Variants in ARID1B observed in about 807,000 individuals in gnomAD.
The protein encoded by ARID1B is AT-rich interactive domain-containing protein 1B.
A neutral mutation model predicts 212.3 loss-of-function variants in ARID1B; 30 were observed. That is an observed-to-expected ratio of 0.14 (90% CI 0.11 to 0.19). ARID1B has a LOEUF of 0.19. ARID1B is among the 10% of genes least tolerant of loss of function. The pLI is 1.00. For missense variants in ARID1B, 2,891 were observed against 3,204.0 expected, an observed-to-expected ratio of 0.90 and a Z score of 2.36; for synonymous variants, 1,402 against 1,301.7, an observed-to-expected ratio of 1.08 and a Z score of -1.66.
rs377580544 is a variant in ARID1B, at chr6:156,789,558, TG to T, written c.1791+10088del. Reference sequence around the variant, plus strand: ...AAGGATTTTGTGAAAGAAGTTTTGATGTTAGAGGGTCACTTTATATAGATTA... The same window carrying T: ...AAGGATTTTGTGAAAGAAGTTTTGATTTAGAGGGTCACTTTATATAGATTA... On this transcript the variant is annotated intron_variant, in intron 1 of 19. Transcript: ENST00000636930. Among the ~76,000 whole-genome samples the T allele has an allele frequency of 4.9e-3, 739 of 152,328 alleles. 1 individual carries two copies. Among genetic ancestry groups the T allele is most frequent in the Middle Eastern group, 0.02 (6 of 294 alleles).
At chr6:157,108,356 G>A (rs993529507) in intron 5 of ARID1B, among the ~76,000 whole-genome samples, 5 of 152,120 alleles carry the variant, frequency 3.3e-5, no homozygotes, top group African/African-American at 1.2e-4. Context: ...TGCCTCGGGC[G>A]TGCACTGTCT....
In ARID1B at chr6:157,110,832, A is replaced by G. The variant is rs1206040551; in HGVS notation, c.2581+271A>G. ...CACCATGAAGCATGGTTCACATATG[A>G]CTGTAGTCTGGTATTTGGTCTAGCT... On this transcript the variant is annotated intron_variant, in intron 6 of 19. Coordinates refer to ENST00000636930, the MANE Select transcript of ARID1B (RefSeq NM_001374828.1). The G allele has an allele frequency of 4.0e-5, 20 of 504,398 alleles. 1 individual carries two copies. The South Asian group carries it at 4.6e-4, about 12-fold the overall frequency. The allele number at this position is 504,398 out of a possible 1,614,324, so 31.2% of individuals were successfully genotyped here. A position where few individuals can be genotyped will look rare whatever the true frequency, so the allele number is the denominator to read the frequency against.
intron 5 of ARID1B, among the ~76,000 whole-genome samples, chr6:157,093,692 C>G (rs1052102016): frequency 6.6e-6 from 1 of 152,172 alleles, no homozygotes; most frequent in Non-Finnish European, 1.5e-5. Context: ...ATACATAAAG[C>G]TGAATGCCAA....
At chr6:157,196,601 G>C (rs1793744350) in intron 16 of ARID1B, among the ~76,000 whole-genome samples, 1 of 152,190 alleles carries the variant, frequency 6.6e-6, no homozygotes, top group Non-Finnish European at 1.5e-5. Flanking sequence ...CCCGGCACCA[G>C]CACCCAGCTT....
At chr6:156,858,951 G>A (rs979332281) in intron 2 of ARID1B, among the ~76,000 whole-genome samples, 4 of 152,148 alleles carry the variant, frequency 2.6e-5, no homozygotes, top group Non-Finnish European at 4.4e-5. Context: ...AGTGAGTAGA[G>A]GGTGAATGTG....
chr6:157,092,844 T>G (rs1330297028), intron 5 of ARID1B, among the ~76,000 whole-genome samples: 1 of 152,224 alleles, frequency 6.6e-6, no homozygotes, highest in Non-Finnish European at 1.5e-5. Context: ...CTCTGCAATC[T>G]CAGCAGTGAC....
At position 156,829,190 on chromosome 6, in the gene ARID1B, A is replaced by G. The variant is rs1356163748; in HGVS notation, c.1792-37A>G. ...CAAATTTGTGCCTTTGTAATAAAGA[A>G]TGAATTAATAAACCGACTTCTTTTA... On this transcript the variant is annotated intron_variant, in intron 1 of 19. Coordinates refer to ENST00000636930, the MANE Select transcript of ARID1B (RefSeq NM_001374828.1). 6 of 1,550,800 alleles carry G rather than the reference A, an allele frequency of 3.9e-6. No individual in the cohort carries two copies. The Admixed American group carries it at 5.5e-5, about 14-fold the overall frequency.
chr6:156,803,891 A>T (rs2127952577), intron 1 of ARID1B, among the ~76,000 whole-genome samples: 1 of 152,210 alleles, frequency 6.6e-6, no homozygotes, highest in Non-Finnish European at 1.5e-5. Flanking sequence ...AACGTAATTT[A>T]CGTGGTTGCT....
chr6:157,103,147 C>A (rs1786193843), intron 5 of ARID1B, among the ~76,000 whole-genome samples: 1 of 152,048 alleles, frequency 6.6e-6, no homozygotes, highest in Non-Finnish European at 1.5e-5. Context: ...TTTGTCTAAT[C>A]CTCATCTAGA....
At chr6:156,784,237 G>A (rs949214376) in intron 1 of ARID1B, among the ~76,000 whole-genome samples, 1 of 152,032 alleles carries the variant, frequency 6.6e-6, no homozygotes, top group Admixed American at 6.6e-5. Context: ...AAGTAGTGCC[G>A]CACGCTTGCT....
chr6:157,180,797 A>G (rs1191658442), intron 11 of ARID1B, among the ~76,000 whole-genome samples, 172 bp from the exon 12 acceptor site: 1 of 152,148 alleles, frequency 6.6e-6, no homozygotes, highest in East Asian at 1.9e-4. Context: ...AACTAAGAAA[A>G]TGTATAGTTT....
intron 4 of ARID1B, among the ~76,000 whole-genome samples, chr6:156,988,368 G>A (rs1050998816): frequency 6.6e-6 from 1 of 152,162 alleles, no homozygotes; most frequent in African/African-American, 2.4e-5. Context: ...CTTCATTCAT[G>A]CATGTGTGGT....
chr6:156,828,535 C>T (rs765964413), intron 1 of ARID1B, among the ~76,000 whole-genome samples: 1 of 152,152 alleles, frequency 6.6e-6, no homozygotes, highest in African/African-American at 2.4e-5. Flanking sequence ...TGTATGACCT[C>T]GGCCCTGAAG....
intron 4 of ARID1B, among the ~76,000 whole-genome samples, chr6:156,969,258 A>G (rs534370657): frequency 1.4e-3 from 219 of 152,330 alleles, no homozygotes; most frequent in Non-Finnish European, 2.6e-3. Context: ...TGTGTCGACA[A>G]AGTTCTCCAG....
intron 4 of ARID1B, among the ~76,000 whole-genome samples, chr6:156,974,278 T>G (rs770368423): frequency 3.3e-5 from 5 of 152,232 alleles, no homozygotes; most frequent in Non-Finnish European, 5.9e-5. Context: ...TTTATAAACC[T>G]TGTAATAACA....
intron 4 of ARID1B, among the ~76,000 whole-genome samples, chr6:157,031,551 A>AT (rs1254250481): frequency 3.9e-5 from 6 of 152,154 alleles, no homozygotes; most frequent in African/African-American, 1.4e-4. Context: ...CACTTGTGTA[A>AT]TTTTGCCTTT....
chr6:157,141,889 C>A (rs1332383993), intron 7 of ARID1B, among the ~76,000 whole-genome samples: 2 of 152,128 alleles, frequency 1.3e-5, no homozygotes, highest in African/African-American at 4.8e-5. Context: ...CACGTACTTA[C>A]CATACAGCCA....
In ARID1B at chr6:156,954,983, C is replaced by T. The variant is rs569590046; in HGVS notation, c.2247+19407C>T. On this transcript the variant is annotated intron_variant, in intron 4 of 19. Transcript: ENST00000636930. ...TGGCCCGCTTTGTGTTGGACCGTCA[C>T]GCTGCCGTGTATCGGAGGCGTCAGG... 1.3e-4 allele frequency among the ~76,000 whole-genome samples: 20 copies of T among 152,366 alleles called. No individual in the cohort carries two copies. In the South Asian group the frequency reaches 2.1e-3, roughly 16 times the overall value.
chr6:157,025,323 A>G (rs1190660581), intron 4 of ARID1B, among the ~76,000 whole-genome samples: 1 of 152,258 alleles, frequency 6.6e-6, no homozygotes, highest in African/African-American at 2.4e-5. Flanking sequence ...ATATTTGGAC[A>G]AGATGAAAGT....
Sources: gnomAD v4.1 joint callset for allele counts (sites outside exome capture counted in the v4.1 genomes callset) on GRCh38, gnomAD v4.1.1 for gene constraint, MANE v1.5 for transcripts, NCBI Gene and HGNC (gene_info 2026-07-23, HGNC 2026-07-21) for gene names.